ASH2L: variants seen among roughly 807,000 people sequenced by gnomAD.
The protein encoded by ASH2L is set1/Ash2 histone methyltransferase complex subunit ASH2.
A neutral mutation model predicts 81.1 loss-of-function variants in ASH2L; 30 were observed. The ratio of observed to expected loss-of-function variants is 0.37; its 90% CI spans 0.28 to 0.50. The LOEUF is 0.50. Ranked by LOEUF, ASH2L falls within the 20% of genes least tolerant of loss-of-function variation. The pLI, the probability that ASH2L is intolerant of heterozygous loss-of-function variation, is 0.95. For synonymous variants in ASH2L, 273 were observed against 279.9 expected (o/e 0.98, Z 0.24); for missense variants, 559 against 792.1 (o/e 0.71, Z 3.53).
At chr8:38,118,020 C>G (rs986902350) in intron 8 of ASH2L, among the ~76,000 whole-genome samples, 10 of 152,228 alleles carry the variant, frequency 6.6e-5, no homozygotes, top group African/African-American at 2.4e-4. Context: ...GATCGTGCCA[C>G]TGCACTCCAG....
At chr8:38,117,612 G>A (rs898551572) in intron 8 of ASH2L, 1 of 275,930 alleles carries the variant, frequency 3.6e-6, no homozygotes, top group African/African-American at 2.3e-5. Context: ...CACTTAATAT[G>A]AAACAGTAGT....
chr8:38,107,447 A>G (rs539918736), intron 3 of ASH2L, among the ~76,000 whole-genome samples: 8 of 152,332 alleles, frequency 5.3e-5, no homozygotes, highest in South Asian at 2.1e-4. Flanking sequence ...AAAGTGTTAT[A>G]TAAACAAATT....
chr8:38,115,095 A>G (rs1394004675), intron 7 of ASH2L, 95 bp downstream of exon 7: 10 of 796,706 alleles, frequency 1.3e-5, no homozygotes, highest in Non-Finnish European at 2.2e-5. Flanking sequence ...GCCACATAAC[A>G]CACTGCCATT....
At position 38,121,107 on chromosome 8, in the gene ASH2L, G is replaced by A. The variant is rs1360535801; in HGVS notation, c.1123G>A (p.Ala375Thr). 27 of 1,613,550 alleles carry A rather than the reference G, an allele frequency of 1.7e-5. No homozygotes were observed. The highest frequency in any genetic ancestry group is 2.2e-5 in the Non-Finnish European group (26 of 1,179,918). ...GKPIPGDLYR[A>T]CLYERVLLAL... ...ACCTATTCCTGGAGACCTCTACAGA[G>A]CCTGCTTGTATGAACGGGTTTTGTT... Residue 375 changes from alanine to threonine, a missense_variant, in exon 10 of 16, where the codon GCC (alanine) becomes ACC (threonine). This residue lies in a region of ASH2L where 318 missense variants were observed against 527.0 expected (regional missense o/e 0.60). Coordinates refer to ENST00000343823, the MANE Select transcript of ASH2L (RefSeq NM_004674.5).
At chr8:38,120,107 G>A (rs371781805) in intron 9 of ASH2L, among the ~76,000 whole-genome samples, 32 of 152,292 alleles carry the variant, frequency 2.1e-4, no homozygotes, top group South Asian at 2.1e-3. Flanking sequence ...CCTGGGCCAC[G>A]AGAACGAAAC....
chr8:38,110,552 T>G, intron 4 of ASH2L, 85 bp downstream of exon 4: 1 of 1,359,276 alleles, frequency 7.4e-7, no homozygotes, highest in South Asian at 1.2e-5. Flanking sequence ...AGGAGACCTT[T>G]GCCTAGTAGC....
intron 3 of ASH2L, among the ~76,000 whole-genome samples, chr8:38,108,805 C>T (rs888733868): frequency 3.9e-5 from 6 of 152,014 alleles, no homozygotes; most frequent in Admixed American, 2.0e-4. Flanking sequence ...AAAGGCCAGG[C>T]ATGGTGGCTC....
chr8:38,129,087 A>G, intron 12 of ASH2L, 136 bp downstream of exon 12: 1 of 1,312,252 alleles, frequency 7.6e-7, no homozygotes, highest in Non-Finnish European at 1.0e-6. Context: ...TGACATTTTC[A>G]GAATAACAGT....
intron 9 of ASH2L, among the ~76,000 whole-genome samples, chr8:38,120,090 ACT>A: frequency 6.6e-6 from 1 of 152,344 alleles, no homozygotes; most frequent in East Asian, 1.9e-4. Flanking sequence ...GCGCTATCGC[ACT>A]CCAGCCTGGG....
chr8:38,130,372 C>T (rs2130562385), intron 12 of ASH2L, among the ~76,000 whole-genome samples: 1 of 149,054 alleles, frequency 6.7e-6, no homozygotes, highest in Non-Finnish European at 1.5e-5. Context: ...TCCCAAAGTG[C>T]TAGGATTACA....
chr8:38,119,334 G>T lies in ASH2L; in HGVS notation c.918G>T (p.Gly306=). ...CCAAGCGCAAACAGCAGGATGGAGG[G>T]ACCACAGGGACCACCAAGAAGGCCC... ...RGAKRKQQDG[G]TTGTTKKARS... is the part of the protein sequence containing the mutation. Residue 306 remains glycine (G), a synonymous_variant, in exon 9 of 16, where the codon GGG becomes GGT. Coordinates refer to ENST00000343823, the MANE Select transcript of ASH2L (RefSeq NM_004674.5). 6.5e-7 allele frequency: 1 copy of T among 1,546,502 alleles called. No homozygotes were observed. Among genetic ancestry groups the T allele is most frequent in the South Asian group, 1.2e-5 (1 of 83,508 alleles).
intron 12 of ASH2L, among the ~76,000 whole-genome samples, chr8:38,130,227 C>CTTTTTTTTTTTTTTTTTTTTT (rs71216650): frequency 2.3e-5 from 2 of 86,252 alleles, no homozygotes; most frequent in Non-Finnish European, 4.5e-5. Flanking sequence ...CTTCTCTGTT[C>CTTTTTTTTTTTTTTTTTTTTT]TTTTTTTTTT....
At position 38,107,183 on chromosome 8, in the gene ASH2L, GT is replaced by G; in HGVS notation, c.401+22del. The G allele has an allele frequency of 1.2e-6, 2 of 1,612,050 alleles. No individual in the cohort carries two copies. The highest frequency in any genetic ancestry group is 8.5e-7 in the Non-Finnish European group (1 of 1,178,158). On this transcript the variant is annotated intron_variant, in intron 3 of 15. Transcript: ENST00000343823. ...AGATACCTCGTGAGTACTTTTCATA[GT>G]TTTTGTGAGAATTGCTCGGTAAAAT...
chr8:38,138,884 C>T lies in ASH2L; in HGVS notation c.1779+9C>T, dbSNP rs779992800. On this transcript the variant is annotated intron_variant, in intron 15 of 15. Coordinates refer to ENST00000343823, the MANE Select transcript of ASH2L (RefSeq NM_004674.5). ...ATCTCACTTACCGCCCTGTGAGTAA[C>T]ATTACAAATGGCTGCATGTGTCCTC... The T allele has an allele frequency of 1.9e-6, 3 of 1,613,922 alleles. No individual in the cohort carries two copies. The highest frequency in any genetic ancestry group is 1.7e-5 in the Admixed American group (1 of 59,982).
intron 12 of ASH2L, among the ~76,000 whole-genome samples, chr8:38,133,054 T>C (rs1483192527): frequency 6.7e-6 from 1 of 150,010 alleles, no homozygotes; most frequent in Non-Finnish European, 1.5e-5. Context: ...ACCATTGCAC[T>C]CCAGCCTGGG....
At chr8:38,107,389 C>T (rs1440207773) in intron 3 of ASH2L, among the ~76,000 whole-genome samples, 1 of 152,078 alleles carries the variant, frequency 6.6e-6, no homozygotes, top group African/African-American at 2.4e-5. Flanking sequence ...TATTGCCCCT[C>T]CTTTTGAGTT....
chr8:38,121,270 G>A (rs1357065689), intron 10 of ASH2L, 121 bp downstream of exon 10: 3 of 747,054 alleles, frequency 4.0e-6, no homozygotes, highest in Non-Finnish European at 6.3e-6. Context: ...CCCCATCTCT[G>A]TCTAGATTCA....
chr8:38,129,106 G>C (rs1159375819), intron 12 of ASH2L, among the ~76,000 whole-genome samples, 155 bp downstream of exon 12: 1 of 152,052 alleles, frequency 6.6e-6, no homozygotes, highest in Non-Finnish European at 1.5e-5. Context: ...GTAACAATCG[G>C]TGCACAAATA....
rs1811038252 is a variant in ASH2L at position 38,119,366 on chromosome 8, G to A, written c.947+3G>A. 6.5e-7 allele frequency: 1 copy of A among 1,532,558 alleles called. No individual in the cohort carries two copies. Among genetic ancestry groups the A allele is most frequent in the Non-Finnish European group, 8.8e-7 (1 of 1,140,760 alleles). The allele number at this position is 1,532,558 out of a possible 1,614,324, so 94.9% of individuals were successfully genotyped here. On this transcript the variant is annotated splice_donor_region_variant and intron_variant, in intron 9 of 15. Transcript: ENST00000343823. The stretch of plus-strand genomic sequence containing the variant: ...GGGACCACCAAGAAGGCCCGGAGGT[G>A]GGGAGAGTGCCCACCCTGCCCCCCT...
Sources: allele counts gnomAD v4.1 joint callset (sites outside exome capture counted in the v4.1 genomes callset), GRCh38; gene constraint gnomAD v4.1.1; regional missense constraint gnomAD v4.1.1; transcripts MANE v1.5; gene names NCBI Gene and HGNC (gene_info 2026-07-23, HGNC 2026-07-21).